Variants in ZNF469 observed in about 807,000 individuals in gnomAD.
ZNF469 encodes the protein zinc finger protein 469.
Under a neutral mutation model 1.0 loss-of-function variants are expected in ZNF469, and 1 was observed. The ratio of observed to expected loss-of-function variants is 1.00; its 90% CI spans 0.35 to 4.73. The LOEUF is 4.73. Ranked by LOEUF, ZNF469 falls within the 30% of genes most tolerant of loss-of-function variation. The pLI, the probability that ZNF469 is intolerant of heterozygous loss-of-function variation, is 0.16. For synonymous variants in ZNF469, 2,703 were observed against 2,363.4 expected, an observed-to-expected ratio of 1.14 and a Z score of -4.17; for missense variants, 6,100 against 5,356.3, an observed-to-expected ratio of 1.14 and a Z score of -4.33.
intron 1 of ZNF469, among the ~76,000 whole-genome samples, chr16:88,407,535 G>A (rs900859567): frequency 1.3e-5 from 2 of 152,244 alleles, no homozygotes; most frequent in African/African-American, 4.8e-5. Context: ...TGCATCCGAC[G>A]TCTGAGTTCA....
chr16:88,230,823 C>T, the ZNF469 span, among the ~76,000 whole-genome samples: 1 of 152,196 alleles, frequency 6.6e-6, no homozygotes, highest in Non-Finnish European at 1.5e-5. Context: ...CCCATGGCCT[C>T]CCTCCCTGGC....
chr16:88,206,094 C>A, the ZNF469 span, among the ~76,000 whole-genome samples: 8 of 152,168 alleles, frequency 5.3e-5, no homozygotes, highest in Non-Finnish European at 7.4e-5. Context: ...GCTGACCCCC[C>A]GTGTTTTCCA....
chr16:88,435,041 A>T lies in ZNF469; in HGVS notation c.7571A>T (p.Gln2524Leu). The T allele has an allele frequency of 6.4e-7, 1 of 1,550,398 alleles. No homozygotes were observed. The highest frequency in any genetic ancestry group is 8.7e-7 in the Non-Finnish European group (1 of 1,146,990). The change falls in exon 3 of 3, where the codon CAG (glutamine) becomes CTG (leucine). Residue 2524 changes from glutamine (Q) to leucine (L), a missense_variant. Transcript: ENST00000565624. Reference sequence around the variant, plus strand: ...CTAGAGCCCCTAGCCCAAAAGTGCCAGCCGCCCAGGAAGAAAAGCCACAGG... The same window carrying T: ...CTAGAGCCCCTAGCCCAAAAGTGCCTGCCGCCCAGGAAGAAAAGCCACAGG... ...QPLEPLAQKC[Q>L]PPRKKSHRVS...
chr16:88,224,882 G>A, the ZNF469 span, among the ~76,000 whole-genome samples: 2 of 152,208 alleles, frequency 1.3e-5, no homozygotes, highest in East Asian at 1.9e-4. Context: ...GGTGTTGAGC[G>A]GCTCAGGATC....
chr16:88,342,591 C>A, the ZNF469 span, among the ~76,000 whole-genome samples: 1 of 152,210 alleles, frequency 6.6e-6, no homozygotes, highest in Non-Finnish European at 1.5e-5. Context: ...TTTGCTCAGC[C>A]TCTCGGACCT....
the ZNF469 span, among the ~76,000 whole-genome samples, chr16:88,224,765 C>G: frequency 3.0e-4 from 45 of 152,238 alleles, no homozygotes; most frequent in African/African-American, 1.0e-3. Context: ...ACGTGTGTGT[C>G]TGTAAGCATG....
the ZNF469 span, among the ~76,000 whole-genome samples, chr16:88,111,623 C>T: frequency 1.1e-4 from 16 of 152,114 alleles, no homozygotes; most frequent in East Asian, 3.9e-4. Flanking sequence ...TAAGTGAAGA[C>T]GTGTTTTTGT....
At chr16:88,418,043 G>T (rs1905351580) in intron 1 of ZNF469, among the ~76,000 whole-genome samples, 1 of 152,184 alleles carries the variant, frequency 6.6e-6, no homozygotes, top group African/African-American at 2.4e-5. Flanking sequence ...TAGAGCCCCA[G>T]GTTCAAGGAG....
At chr16:88,216,035 G>A in the ZNF469 span, among the ~76,000 whole-genome samples, 1 of 151,718 alleles carries the variant, frequency 6.6e-6, no homozygotes, top group South Asian at 2.1e-4. Context: ...TTTTCCTTTT[G>A]CCCTAAGAAC....
chr16:88,187,930 G>A, the ZNF469 span, among the ~76,000 whole-genome samples: 5 of 152,152 alleles, frequency 3.3e-5, no homozygotes, highest in African/African-American at 1.2e-4. Context: ...CAGGAAAGGG[G>A]CCTGGGAAGA....
rs541325052 is a variant in ZNF469 at position 88,435,959 on chromosome 16, G to C, written c.8489G>C (p.Gly2830Ala). 3.5e-5 allele frequency: 54 copies of C among 1,550,014 alleles called. No homozygotes were observed. The African/African-American group carries it at 7.0e-4, about 20-fold the overall frequency. ...CCGGACAACCCAGACACCCAGGGTG[G>C]AGTCCAGGGGCCTGAAGGCCCCACT... Reference protein sequence around the residue: ...GLPDNPDTQGGVQGPEGPTPD... With the variant: ...GLPDNPDTQGAVQGPEGPTPD... Residue 2830 changes from glycine to alanine, a missense_variant, in exon 3 of 3, where the codon GGA becomes GCA. Transcript: ENST00000565624.
At chr16:88,415,832 C>T (rs1328997983) in intron 1 of ZNF469, among the ~76,000 whole-genome samples, 3 of 152,204 alleles carry the variant, frequency 2.0e-5, no homozygotes, top group East Asian at 1.9e-4. Flanking sequence ...ATCATTGGAC[C>T]GATTGCCTGG....
chr16:88,293,174 A>T, the ZNF469 span, among the ~76,000 whole-genome samples: 1 of 151,796 alleles, frequency 6.6e-6, no homozygotes, highest in Non-Finnish European at 1.5e-5. Context: ...AAGTGGATGA[A>T]TACATGGGTG....
At chr16:88,342,950 T>C in the ZNF469 span, among the ~76,000 whole-genome samples, 1 of 152,222 alleles carries the variant, frequency 6.6e-6, no homozygotes, top group Admixed American at 6.5e-5. Context: ...GCAGCAAGGC[T>C]GGGCTCAAGT....
the ZNF469 span, among the ~76,000 whole-genome samples, chr16:88,366,404 T>C: frequency 6.8e-6 from 1 of 147,240 alleles, no homozygotes; most frequent in East Asian, 2.1e-4. Context: ...ATCATCACCT[T>C]CACCAACACC....
chr16:88,109,421 C>T, the ZNF469 span, among the ~76,000 whole-genome samples: 1 of 152,284 alleles, frequency 6.6e-6, no homozygotes. Flanking sequence ...GAGGCTTCTC[C>T]CCGGCAGCCT....
chr16:88,419,688 C>T (rs969658333), intron 1 of ZNF469, among the ~76,000 whole-genome samples: 2 of 152,208 alleles, frequency 1.3e-5, no homozygotes, highest in Admixed American at 6.5e-5. Context: ...TCCACCCCTC[C>T]TCAACGTTCC....
In ZNF469 at chr16:88,439,193, G is replaced by C; in HGVS notation, c.11723G>C (p.Gly3908Ala). 2.6e-6 allele frequency: 4 copies of C among 1,550,140 alleles called. No individual in the cohort carries two copies. The highest frequency in any genetic ancestry group is 3.5e-6 in the Non-Finnish European group (4 of 1,146,774). The stretch of plus-strand genomic sequence containing the variant: ...CCCCTGCTCAGGCCCCCCAAGAGGG[G>C]CACAGCTGTCCACGGTGCTGAACCT... ...GRPLLRPPKR[G>A]TAVHGAEPAE... The change falls in exon 3 of 3, where the codon GGC becomes GCC. Residue 3908 changes from glycine to alanine, a missense_variant. Transcript: ENST00000565624.
rs921811959 is a variant in ZNF469, at chr16:88,437,950, C to T, written c.10480C>T (p.Arg3494Trp). 29 of 1,543,212 alleles carry T rather than the reference C, an allele frequency of 1.9e-5. No homozygotes were observed. The highest frequency in any genetic ancestry group is 1.6e-4 in the Admixed American group (8 of 50,876). ...PGPGEDRPPP[R>W]GSSPILSEGS... ...GCCCGGCGAGGACAGGCCTCCTCCC[C>T]GGGGAAGCAGCCCCATCCTGAGTGA... is the stretch of plus-strand genomic sequence containing the variant. Residue 3494 changes from arginine to tryptophan, a missense_variant, in exon 3 of 3, where the codon CGG (arginine) becomes TGG (tryptophan). By Grantham distance (101) the Arg-to-Trp change is moderately radical. Coordinates refer to ENST00000565624, the MANE Select transcript of ZNF469 (RefSeq NM_001367624.2).
Sources: allele counts gnomAD v4.1 joint callset (sites outside exome capture counted in the v4.1 genomes callset), GRCh38; gene constraint gnomAD v4.1.1; transcripts MANE v1.5; gene names NCBI Gene and HGNC (gene_info 2026-07-23, HGNC 2026-07-21).